The following KIF14 variants were observed in gnomAD, a reference collection of about 807,000 sequenced individuals.
KIF14 encodes the protein kinesin-like protein KIF14.
KIF14 carries 98 observed loss-of-function variants against 176.2 expected under a neutral mutation model. That is an observed-to-expected ratio of 0.56 (90% CI 0.47 to 0.66). The LOEUF is 0.66. Ranked by LOEUF, KIF14 falls within the 30% of genes least tolerant of loss-of-function variation. The probability of loss-of-function intolerance (pLI) is 0.00; values close to 1 mark genes in which losing one functional copy is unlikely to be tolerated. For synonymous variants in KIF14, 566 were observed against 632.2 expected, an observed-to-expected ratio of 0.90 and a Z score of 1.57; for missense variants, 1,751 against 1,920.4, an observed-to-expected ratio of 0.91 and a Z score of 1.65.
chr1:200,583,615 T>C (rs1040205400), intron 19 of KIF14, among the ~76,000 whole-genome samples: 1 of 152,140 alleles, frequency 6.6e-6, no homozygotes, highest in African/African-American at 2.4e-5. Context: ...GTGTTTTACA[T>C]AGAAATGTAC....
Position 200,598,357 on chromosome 1 carries a change from G to C in KIF14, c.2429C>G (p.Pro810Arg). 6.2e-7 allele frequency: 1 copy of C among 1,612,210 alleles called. No homozygotes were observed. The highest frequency in any genetic ancestry group is 8.5e-7 in the Non-Finnish European group (1 of 1,179,126). The change falls in exon 14 of 30, where the codon CCA (proline) becomes CGA (arginine). Residue 810 changes from proline (P) to arginine (R), a missense_variant. Transcript: ENST00000367350. The part of the protein sequence containing the change: ...LPNLVNLNED[P>R]QLSEMLLYMI... ...ATATAGCAGCATCTCAGATAGTTGT[G>C]GATCTTCATTCAGATTAACAAGGTT... is the stretch of plus-strand genomic sequence containing the variant.
In KIF14 at chr1:200,553,500, C is replaced by A. The variant is rs145547152; in HGVS notation, c.4835G>T (p.Gly1612Val). The change falls in exon 30 of 30, where the codon GGG (glycine) becomes GTG (valine). Residue 1612 changes from glycine (G) to valine (V), a missense_variant. Gly to Val is a moderately radical substitution (Grantham distance 109). Transcript: ENST00000367350. Reference sequence around the variant, plus strand: ...ACCTTTATTCTTACTGCCGTCAATCCCGCTTGATTTAGATTGTTGGTGTTC... The same window carrying A: ...ACCTTTATTCTTACTGCCGTCAATCACGCTTGATTTAGATTGTTGGTGTTC... ...KEEHQQSKSS[G>V]IDGSKNKGVP... 121 of 1,613,794 alleles carry A rather than the reference C, an allele frequency of 7.5e-5. No individual in the cohort carries two copies. Among genetic ancestry groups the A allele is most frequent in the Non-Finnish European group, 9.0e-5 (106 of 1,180,014 alleles).
At chr1:200,584,650 A>G (rs1408483008) in intron 19 of KIF14, among the ~76,000 whole-genome samples, 1 of 152,222 alleles carries the variant, frequency 6.6e-6, no homozygotes, top group Non-Finnish European at 1.5e-5. Flanking sequence ...ACAAACTACA[A>G]CATCCTTTTA....
At position 200,590,126 on chromosome 1, in the gene KIF14, A is replaced by C. The variant is rs1399116394; in HGVS notation, c.2960T>G (p.Leu987Arg). 8 of 1,599,078 alleles carry C rather than the reference A, an allele frequency of 5.0e-6. No homozygotes were observed. Among genetic ancestry groups the C allele is most frequent in the Non-Finnish European group, 8.5e-7 (1 of 1,176,544 alleles). Residue 987 changes from leucine to arginine, a missense_variant and splice_region_variant, in exon 17 of 30, where the codon CTG (leucine) becomes CGG (arginine). Coordinates refer to ENST00000367350, the MANE Select transcript of KIF14 (RefSeq NM_014875.3). ...AATAAAACTAATTCTGCCTTTTACC[A>C]GTTCTGCTTCCAGTGCTTTTATTTT... is the stretch of plus-strand genomic sequence containing the variant. Reference protein sequence around the residue: ...ESKIKALEAELREESQRKKMQ... With the variant: ...ESKIKALEAERREESQRKKMQ...
At chr1:200,605,517 TAAGA>T in intron 7 of KIF14, 127 bp from the exon 8 acceptor site, 2 of 572,806 alleles carry the variant, frequency 3.5e-6, no homozygotes, top group Non-Finnish European at 6.0e-6. Context: ...ATATAAAAAT[TAAGA>T]GAGATAACAT....
In KIF14 at chr1:200,577,568, G is replaced by A. The variant is rs551321150; in HGVS notation, c.3466-1877C>T. 1.8e-4 allele frequency among the ~76,000 whole-genome samples: 27 copies of A among 152,078 alleles called. 2 individuals carry two copies. The South Asian group carries it at 4.8e-3, about 27-fold the overall frequency. ...TCCCAGCACTTTGGGAGGCCGAGGC[G>A]AGTGGATCACAAGGTCAGGAGATTG... On this transcript the variant is annotated intron_variant, in intron 21 of 29. Transcript: ENST00000367350.
At chr1:200,569,861 C>T (rs761642569) in intron 23 of KIF14, 50 bp downstream of exon 23, 3 of 975,054 alleles carry the variant, frequency 3.1e-6, no homozygotes, top group Non-Finnish European at 3.2e-6. Context: ...ATGGTAGAAC[C>T]AGGACTCAAT....
intron 4 of KIF14, among the ~76,000 whole-genome samples, chr1:200,613,213 C>A (rs1425698941): frequency 6.6e-6 from 1 of 152,108 alleles, no homozygotes; most frequent in Non-Finnish European, 1.5e-5. Flanking sequence ...TATCACTTTC[C>A]ACCCTCAAAT....
intron 9 of KIF14, 152 bp from the exon 10 acceptor site, chr1:200,603,493 C>A: frequency 1.7e-6 from 1 of 579,176 alleles, no homozygotes; most frequent in South Asian, 2.2e-5. Context: ...GTTGCCCAGG[C>A]TGGAGTGCAG....
In KIF14 at chr1:200,606,813, T is replaced by C; in HGVS notation, c.1555-15A>G. ...CTCACTCTCAGCTAGAAGAAGCAAA[T>C]ACATGCATCATTAGGAGTATGACAA... On this transcript the variant is annotated splice_polypyrimidine_tract_variant and intron_variant, in intron 5 of 29. Coordinates refer to ENST00000367350, the MANE Select transcript of KIF14 (RefSeq NM_014875.3). The C allele has an allele frequency of 6.3e-7, 1 of 1,597,588 alleles. No individual in the cohort carries two copies. The highest frequency in any genetic ancestry group is 8.6e-7 in the Non-Finnish European group (1 of 1,165,616).
Position 200,554,585 on chromosome 1 carries a change from G to T in KIF14, c.4450C>A (p.Gln1484Lys). Residue 1484 changes from glutamine (Q) to lysine (K), a missense_variant, in exon 29 of 30, where the codon CAA becomes AAA. Gln to Lys is a moderately conservative substitution (Grantham distance 53). Coordinates refer to ENST00000367350, the MANE Select transcript of KIF14 (RefSeq NM_014875.3). Reference sequence around the variant, plus strand: ...TCTTGGTATTCAAAGTTTTCTTCTTGTACTTGCCTTCTGAAACTTTTCTGT... The same window carrying T: ...TCTTGGTATTCAAAGTTTTCTTCTTTTACTTGCCTTCTGAAACTTTTCTGT... ...SKIKSFRRQV[Q>K]EENFEYQDFK... 6.5e-7 allele frequency: 1 copy of T among 1,528,988 alleles called. No homozygotes were observed. The highest frequency in any genetic ancestry group is 2.3e-5 in the East Asian group (1 of 43,948). The allele number at this position is 1,528,988 out of a possible 1,614,324, so 94.7% of individuals were successfully genotyped here.
intron 18 of KIF14, among the ~76,000 whole-genome samples, chr1:200,587,542 C>T (rs1056710745): frequency 3.3e-5 from 5 of 152,004 alleles, no homozygotes; most frequent in South Asian, 2.1e-4. Flanking sequence ...GGGCCGGGTG[C>T]GGTGGCTCAT....
Position 200,565,265 on chromosome 1 carries a change from G to A in KIF14, c.3887-12C>T. 1 of 1,576,828 alleles carries A rather than the reference G, an allele frequency of 6.3e-7. No individual in the cohort carries two copies. The highest frequency in any genetic ancestry group is 8.6e-7 in the Non-Finnish European group (1 of 1,165,536). ...ATCAGAAGAAAACACTTTGAAAGAA[G>A]AAGAAAAATTACTGAATGAAATATT... On this transcript the variant is annotated splice_polypyrimidine_tract_variant and intron_variant, in intron 24 of 29. Transcript: ENST00000367350.
intron 22 of KIF14, among the ~76,000 whole-genome samples, chr1:200,571,070 A>T (rs1657756714): frequency 6.6e-6 from 1 of 152,220 alleles, no homozygotes; most frequent in Non-Finnish European, 1.5e-5. Context: ...AATACCTGTG[A>T]AGTGCAGCAG....
Position 200,575,643 on chromosome 1 carries a change from C to G in KIF14, c.3514G>C (p.Glu1172Gln). ...GCATCTGTAATGTCGGGTTCCCATT[C>G]ATCTTCAGGATCACAAAAGGCATCT... ...GEDAFCDPEDEWEPDITDAPV... is the reference protein window; with the variant it reads ...GEDAFCDPEDQWEPDITDAPV... Residue 1172 changes from glutamate (E) to glutamine (Q), a missense_variant, in exon 22 of 30, where the codon GAA becomes CAA. Transcript: ENST00000367350. 6.3e-7 allele frequency: 1 copy of G among 1,592,470 alleles called. No homozygotes were observed. The highest frequency in any genetic ancestry group is 8.6e-7 in the Non-Finnish European group (1 of 1,166,098).
intron 27 of KIF14, 46 bp from the exon 28 acceptor site, chr1:200,555,500 G>A: frequency 1.7e-6 from 2 of 1,151,112 alleles, no homozygotes; most frequent in Non-Finnish European, 2.4e-6. Flanking sequence ...TTATTCAGAA[G>A]TACAAAAATC....
At position 200,553,204 on chromosome 1, in the gene KIF14, G is replaced by T; in HGVS notation, c.*184C>A. 1 of 531,884 alleles carries T rather than the reference G, an allele frequency of 1.9e-6. No individual in the cohort carries two copies. Among genetic ancestry groups the T allele is most frequent in the Non-Finnish European group, 3.0e-6 (1 of 331,140 alleles). The allele number at this position is 531,884 out of a possible 1,614,324, so 32.9% of individuals were successfully genotyped here. A position where few individuals can be genotyped will look rare whatever the true frequency, so the allele number is the denominator to read the frequency against. On this transcript the variant is annotated 3_prime_UTR_variant, in exon 30 of 30. Transcript: ENST00000367350. ...TGATCTGCCCGCCTCCCAAAGTGCT[G>T]GGATTACAGGCGTGAGCCACTGTGT...
At chr1:200,577,791 T>A (rs1406964970) in intron 21 of KIF14, among the ~76,000 whole-genome samples, 1 of 152,014 alleles carries the variant, frequency 6.6e-6, no homozygotes, top group East Asian at 1.9e-4. Context: ...TGTTTGTTTG[T>A]TTTTAATCAG....
intron 15 of KIF14, among the ~76,000 whole-genome samples, chr1:200,593,126 G>C (rs1463093762): frequency 6.6e-6 from 1 of 152,118 alleles, no homozygotes; most frequent in Non-Finnish European, 1.5e-5. Flanking sequence ...ATAATAACAA[G>C]AGACATTCAT....
Sources: gnomAD v4.1 joint callset for allele counts (sites outside exome capture counted in the v4.1 genomes callset) on GRCh38, gnomAD v4.1.1 for gene constraint, MANE v1.5 for transcripts, NCBI Gene and HGNC (gene_info 2026-07-23, HGNC 2026-07-21) for gene names.